The following GLIS3 variants were observed in gnomAD, a reference collection of about 807,000 sequenced individuals.
GLIS3 encodes GLIS family zinc finger 3, also known as zinc finger protein GLIS3.
Under a neutral mutation model 78.6 loss-of-function variants are expected in GLIS3, and 53 were observed. That is an observed-to-expected ratio of 0.67 (90% CI 0.54 to 0.85). The LOEUF (loss-of-function observed/expected upper bound fraction) is 0.85. GLIS3 is among the 40% of genes least tolerant of loss of function. The probability of loss-of-function intolerance (pLI) is 0.00; values close to 1 mark genes in which losing one functional copy is unlikely to be tolerated. For synonymous variants in GLIS3, 684 were observed against 509.9 expected (o/e 1.34, Z -4.60); for missense variants, 1,703 against 1,231.1 (o/e 1.38, Z -5.74).
chr9:4,373,429 C>T, the GLIS3 span, among the ~76,000 whole-genome samples: 1 of 152,176 alleles, frequency 6.6e-6, no homozygotes, highest in Non-Finnish European at 1.5e-5. Context: ...ATCCTTTCCA[C>T]ATGGTTCTGA....
chr9:4,373,353 C>T, the GLIS3 span, among the ~76,000 whole-genome samples: 5 of 152,174 alleles, frequency 3.3e-5, no homozygotes, highest in Non-Finnish European at 7.3e-5. Flanking sequence ...TGGGAAATCT[C>T]AAGATTCACT....
At chr9:3,858,846 T>A (rs1819967993) in intron 8 of GLIS3, among the ~76,000 whole-genome samples, 1 of 152,180 alleles carries the variant, frequency 6.6e-6, no homozygotes, top group Non-Finnish European at 1.5e-5. Context: ...GCATAAGAAG[T>A]AAGTGTATAT....
chr9:4,446,046 T>C, the GLIS3 span, among the ~76,000 whole-genome samples: 5 of 152,206 alleles, frequency 3.3e-5, no homozygotes, highest in African/African-American at 1.2e-4. Context: ...TATTTCAATT[T>C]TCAAGATAAT....
rs368462330 is a variant in GLIS3, at chr9:4,145,369, T to C, written c.389-19428A>G. 2.0e-5 allele frequency among the ~76,000 whole-genome samples: 3 copies of C among 152,328 alleles called. No individual in the cohort carries two copies. In the East Asian group the frequency reaches 5.8e-4, roughly 29 times the overall value. ...ATGAAAAACTACACCCAAAGGTGGT[T>C]CAATTGTGTGTGTTATTTTCTATAA... On this transcript the variant is annotated intron_variant, in intron 2 of 10. Coordinates refer to ENST00000381971, the MANE Select transcript of GLIS3 (RefSeq NM_001042413.2).
chr9:4,126,951 T>C (rs1199136665), intron 2 of GLIS3, among the ~76,000 whole-genome samples: 1 of 152,214 alleles, frequency 6.6e-6, no homozygotes, highest in Non-Finnish European at 1.5e-5. Flanking sequence ...AAAGTGTCAC[T>C]GTCACTTTTC....
At chr9:4,039,246 A>G (rs1824591675) in intron 4 of GLIS3, among the ~76,000 whole-genome samples, 1 of 152,190 alleles carries the variant, frequency 6.6e-6, no homozygotes. Flanking sequence ...GTATTTCTGC[A>G]TATATTATGT....
chr9:4,055,960 G>A (rs1403599439), intron 4 of GLIS3, among the ~76,000 whole-genome samples: 2 of 152,200 alleles, frequency 1.3e-5, no homozygotes, highest in Non-Finnish European at 2.9e-5. Context: ...GGAGGCAAAG[G>A]AAACTCTCTT....
chr9:4,202,286 G>A (rs894348797), intron 2 of GLIS3, among the ~76,000 whole-genome samples: 15 of 151,038 alleles, frequency 9.9e-5, no homozygotes, highest in Non-Finnish European at 2.2e-4. Flanking sequence ...GAGTAGCTGG[G>A]ACTACAGGCG....
At chr9:4,154,763 A>C (rs544755597) in intron 2 of GLIS3, among the ~76,000 whole-genome samples, 2 of 152,322 alleles carry the variant, frequency 1.3e-5, no homozygotes, top group Admixed American at 1.3e-4. Flanking sequence ...ACTTGGTAAC[A>C]CAGTCAGAGG....
At chr9:3,981,462 G>A (rs923509089) in intron 4 of GLIS3, among the ~76,000 whole-genome samples, 18 of 152,148 alleles carry the variant, frequency 1.2e-4, no homozygotes, top group East Asian at 3.9e-4. Flanking sequence ...GCGGTCAGGC[G>A]GCAGCTCAGC....
chr9:4,482,694 A>G, the GLIS3 span, among the ~76,000 whole-genome samples: 1 of 152,212 alleles, frequency 6.6e-6, no homozygotes, highest in Admixed American at 6.5e-5. Flanking sequence ...ATCCTAATTA[A>G]TATATGGTCT....
chr9:3,965,633 T>C (rs567782531), intron 4 of GLIS3, among the ~76,000 whole-genome samples: 2 of 152,316 alleles, frequency 1.3e-5, no homozygotes, highest in East Asian at 3.9e-4. Flanking sequence ...TGACGAAACA[T>C]GTGCATGGGG....
the GLIS3 span, among the ~76,000 whole-genome samples, chr9:4,403,574 G>T: frequency 6.6e-6 from 1 of 152,162 alleles, no homozygotes; most frequent in East Asian, 1.9e-4. Context: ...GGGGAACAAA[G>T]TTATAAAGTG....
At chr9:4,285,117 T>G (rs1196761974) in intron 2 of GLIS3, among the ~76,000 whole-genome samples, 1 of 152,218 alleles carries the variant, frequency 6.6e-6, no homozygotes, top group African/African-American at 2.4e-5. Flanking sequence ...TAATTCTATT[T>G]GCTGGTGTAA....
intron 4 of GLIS3, among the ~76,000 whole-genome samples, chr9:4,058,766 G>A (rs1280142509): frequency 1.3e-5 from 2 of 152,068 alleles, no homozygotes; most frequent in Non-Finnish European, 2.9e-5. Context: ...GGATCACGAG[G>A]TCAGGAGATC....
At chr9:4,287,351 G>C (rs1355344403) in intron 1 of GLIS3, among the ~76,000 whole-genome samples, 3 of 152,186 alleles carry the variant, frequency 2.0e-5, no homozygotes, top group Admixed American at 2.0e-4. Flanking sequence ...CTAACATTAA[G>C]GAAGCAGAAC....
the GLIS3 span, among the ~76,000 whole-genome samples, chr9:4,418,526 C>T: frequency 5.3e-5 from 8 of 152,066 alleles, no homozygotes; most frequent in African/African-American, 9.7e-5. Flanking sequence ...TGGTGAAGCC[C>T]CGTGTCTACT....
chr9:4,292,631 C>T (rs1373394435), intron 1 of GLIS3, among the ~76,000 whole-genome samples: 1 of 152,208 alleles, frequency 6.6e-6, no homozygotes, highest in Non-Finnish European at 1.5e-5. Flanking sequence ...CCACTGCTAT[C>T]TTTCACTGTG....
At chr9:4,298,896 G>C (rs999096716) in intron 1 of GLIS3, among the ~76,000 whole-genome samples, 1 of 152,128 alleles carries the variant, frequency 6.6e-6, no homozygotes, top group African/African-American at 2.4e-5. Flanking sequence ...AACAGCCTTC[G>C]TGAAACTCCA....
Sources: gnomAD v4.1 joint callset for allele counts (sites outside exome capture counted in the v4.1 genomes callset) on GRCh38, gnomAD v4.1.1 for gene constraint, MANE v1.5 for transcripts, NCBI Gene and HGNC (gene_info 2026-07-23, HGNC 2026-07-21) for gene names.